The following LARGE1 variants were observed in gnomAD, a reference collection of about 807,000 sequenced individuals.
The protein encoded by LARGE1 is LARGE xylosyl- and glucuronyltransferase 1, also known as xylosyl- and glucuronyltransferase LARGE1.
A neutral mutation model predicts 87.6 loss-of-function variants in LARGE1; 43 were observed. That is an observed-to-expected ratio of 0.49 (90% confidence interval 0.38 to 0.63). LARGE1 has a LOEUF of 0.63. LARGE1 is among the 30% of genes least tolerant of loss of function. LARGE1 has a pLI of 0.00. For missense variants in LARGE1, 802 were observed against 1,000.2 expected, an observed-to-expected ratio of 0.80 and a Z score of 2.67; for synonymous variants, 434 against 394.6, an observed-to-expected ratio of 1.10 and a Z score of -1.18.
intron 1 of LARGE1, among the ~76,000 whole-genome samples, chr22:33,855,333 CA>C (rs958333815): frequency 6.6e-6 from 1 of 151,360 alleles, no homozygotes; most frequent in Non-Finnish European, 1.5e-5. Context: ...GACCCCGTCT[CA>C]AAAAAAATAA....
rs1162638131 is a variant in LARGE1, at chr22:33,597,285, A to G, written c.615+7150T>C. On this transcript the variant is annotated intron_variant, in intron 5 of 14. Transcript: ENST00000397394. ...CTTCTTGGCCTAATTCATGAAAAAAAAAAAAAAAAAAAACTTGTAAGTATT... is the reference window on the plus strand; with the variant it reads ...CTTCTTGGCCTAATTCATGAAAAAAGAAAAAAAAAAAAACTTGTAAGTATT... Among the ~76,000 whole-genome samples the G allele has an allele frequency of 2.0e-5, 3 of 152,168 alleles. No homozygotes were observed. The East Asian group carries it at 5.8e-4, about 29-fold the overall frequency.
At chr22:33,487,902 T>C (rs2069657672) in intron 6 of LARGE1, among the ~76,000 whole-genome samples, 1 of 152,194 alleles carries the variant, frequency 6.6e-6, no homozygotes, top group Non-Finnish European at 1.5e-5. Flanking sequence ...TAAATAATTG[T>C]TATCATTTAT....
intron 10 of LARGE1, among the ~76,000 whole-genome samples, chr22:33,324,593 T>C (rs1022286590): frequency 6.6e-6 from 1 of 152,194 alleles, no homozygotes; most frequent in Non-Finnish European, 1.5e-5. Flanking sequence ...AAATGGCCCG[T>C]TAGGCAGTTT....
chr22:33,288,894 T>A (rs1932026556), intron 12 of LARGE1, among the ~76,000 whole-genome samples: 1 of 152,140 alleles, frequency 6.6e-6, no homozygotes, highest in Admixed American at 6.5e-5. Context: ...CCTTGTCTTG[T>A]CCAAGACACT....
chr22:33,605,424 C>T (rs2079225847), intron 4 of LARGE1, among the ~76,000 whole-genome samples: 1 of 152,160 alleles, frequency 6.6e-6, no homozygotes, highest in Admixed American at 6.5e-5. Flanking sequence ...AAACCCAGGT[C>T]TGAAATGTAT....
At chr22:33,104,954 TCTC>T in the LARGE1 span, among the ~76,000 whole-genome samples, 1 of 142,408 alleles carries the variant, frequency 7.0e-6, no homozygotes, top group East Asian at 2.1e-4. Flanking sequence ...TTTCTCTTTC[TCTC>T]TTTCTCTCTT....
chr22:33,371,733 C>G (rs934811552), intron 9 of LARGE1, among the ~76,000 whole-genome samples: 2 of 151,984 alleles, frequency 1.3e-5, no homozygotes, highest in Non-Finnish European at 2.9e-5. Context: ...GCCTATAATC[C>G]CAGCACTTTG....
chr22:33,296,948 G>A (rs1428306131), intron 12 of LARGE1, among the ~76,000 whole-genome samples: 6 of 152,196 alleles, frequency 3.9e-5, no homozygotes, highest in Non-Finnish European at 7.3e-5. Flanking sequence ...GATGAATTGT[G>A]GTGAGCCTTA....
chr22:33,438,214 C>T (rs1402843636), intron 6 of LARGE1, among the ~76,000 whole-genome samples: 1 of 152,058 alleles, frequency 6.6e-6, no homozygotes, highest in African/African-American at 2.4e-5. Context: ...CTTCAGCTTG[C>T]CATCGTGTGA....
the LARGE1 span, among the ~76,000 whole-genome samples, chr22:33,090,337 T>C: frequency 6.6e-6 from 1 of 152,154 alleles, no homozygotes; most frequent in Non-Finnish European, 1.5e-5. Context: ...TAGAAAATTA[T>C]AAGCACTGAA....
intron 1 of LARGE1, among the ~76,000 whole-genome samples, chr22:33,816,689 T>TAGATAGATAGATAGAC (rs1230056474): frequency 5.3e-5 from 7 of 132,364 alleles, no homozygotes; most frequent in Admixed American, 1.5e-4. Context: ...GATAGATAGA[T>TAGATAGATAGATAGAC]AGACAGACAG....
chr22:33,295,127 A>G (rs1057271867), intron 12 of LARGE1, among the ~76,000 whole-genome samples: 2 of 152,116 alleles, frequency 1.3e-5, no homozygotes, highest in African/African-American at 4.8e-5. Flanking sequence ...ACGGTCATGC[A>G]CTCATATTCT....
intron 2 of LARGE1, among the ~76,000 whole-genome samples, chr22:33,656,670 T>C (rs535414253): frequency 6.6e-6 from 1 of 152,342 alleles, no homozygotes; most frequent in East Asian, 1.9e-4. Flanking sequence ...AGTCTATGTA[T>C]GAACATGATG....
chr22:33,884,712 G>T (rs2019677468), intron 1 of LARGE1, among the ~76,000 whole-genome samples: 1 of 152,202 alleles, frequency 6.6e-6, no homozygotes. Flanking sequence ...TCCACCTCCT[G>T]CAAATCACCC....
In LARGE1 at chr22:33,213,960, C is replaced by A. The variant is rs181959518; in HGVS notation, c.1731-47128G>T. Among the ~76,000 whole-genome samples the A allele has an allele frequency of 1.8e-3, 269 of 152,272 alleles. 2 individuals carry two copies. Among genetic ancestry groups the A allele is most frequent in the African/African-American group, 6.1e-3 (254 of 41,528 alleles). ...TCTCCTGCTTCAGCCTCCTGAGCAA[C>A]TGGGACTACAGCCGCCCGCCAGCAC... On this transcript the variant is annotated intron_variant, in intron 11 of 11. Coordinates refer to the LARGE1 transcript ENST00000608642.
At chr22:33,517,634 T>TCAG (rs2071377328) in intron 6 of LARGE1, among the ~76,000 whole-genome samples, 1 of 152,078 alleles carries the variant, frequency 6.6e-6, no homozygotes, top group Admixed American at 6.6e-5. Context: ...ACTCCTGACT[T>TCAG]GTGATCCGCC....
intron 6 of LARGE1, among the ~76,000 whole-genome samples, chr22:33,471,318 A>G (rs541844189): frequency 1.5e-3 from 231 of 152,248 alleles, no homozygotes; most frequent in African/African-American, 5.3e-3. Flanking sequence ...TGCCAGGATT[A>G]CAGGCATGAG....
chr22:33,429,749 C>T (rs1311426945), intron 7 of LARGE1, among the ~76,000 whole-genome samples: 2 of 152,120 alleles, frequency 1.3e-5, no homozygotes, highest in Non-Finnish European at 2.9e-5. Context: ...GGTGTCTCCA[C>T]CTCCATGAAA....
At chr22:33,697,437 C>T (rs1392272227) in intron 2 of LARGE1, among the ~76,000 whole-genome samples, 2 of 151,568 alleles carry the variant, frequency 1.3e-5, no homozygotes, top group South Asian at 2.1e-4. Flanking sequence ...TGGCTCATGC[C>T]TACAATCCCA....
Sources: allele counts gnomAD v4.1 joint callset (sites outside exome capture counted in the v4.1 genomes callset), GRCh38; gene constraint gnomAD v4.1.1; transcripts MANE v1.5; gene names NCBI Gene and HGNC (gene_info 2026-07-23, HGNC 2026-07-21).